NKAIN2: variants seen among roughly 807,000 people sequenced by gnomAD.
NKAIN2 encodes the protein sodium/potassium transporting ATPase interacting 2.
In NKAIN2, 14 loss-of-function variants were observed where a neutral mutation model predicts 32.6. That is an observed-to-expected ratio of 0.43 (90% CI 0.28 to 0.67). The LOEUF is 0.67. NKAIN2 is among the 30% of genes least tolerant of loss of function. The pLI, the probability that NKAIN2 is intolerant of heterozygous loss-of-function variation, is 0.17. For synonymous variants in NKAIN2, 80 were observed against 87.2 expected (o/e 0.92, Z 0.46); for missense variants, 198 against 258.3 (o/e 0.77, Z 1.60).
At chr6:124,763,522 A>AG (rs571222141) in intron 4 of NKAIN2, among the ~76,000 whole-genome samples, 125 of 152,306 alleles carry the variant, frequency 8.2e-4, no homozygotes, top group African/African-American at 3.0e-3. Context: ...AATAGCACGA[A>AG]GGGGGCAATC....
intron 1 of NKAIN2, among the ~76,000 whole-genome samples, chr6:124,130,628 G>A (rs62435639): frequency 7.1e-6 from 1 of 140,482 alleles, no homozygotes; most frequent in African/African-American, 2.6e-5. Context: ...TTTTTTTTTG[G>A]TAGAATGTTA....
At chr6:124,466,665 T>C (rs1776769380) in intron 3 of NKAIN2, among the ~76,000 whole-genome samples, 1 of 151,608 alleles carries the variant, frequency 6.6e-6, no homozygotes, top group South Asian at 2.1e-4. Flanking sequence ...AAAAAAAGAC[T>C]CTATCACTGC....
At chr6:124,778,065 T>C (rs545079991) in intron 4 of NKAIN2, among the ~76,000 whole-genome samples, 4 of 152,106 alleles carry the variant, frequency 2.6e-5, no homozygotes, top group Non-Finnish European at 5.9e-5. Context: ...GATAGACAGA[T>C]TGTCATCAAA....
At chr6:124,200,645 A>G (rs1790547675) in intron 1 of NKAIN2, among the ~76,000 whole-genome samples, 1 of 152,094 alleles carries the variant, frequency 6.6e-6, no homozygotes, top group Non-Finnish European at 1.5e-5. Flanking sequence ...ATTAAGAATT[A>G]TATTATAAGA....
At chr6:123,914,604 G>T (rs911990396) in intron 1 of NKAIN2, among the ~76,000 whole-genome samples, 22 of 152,046 alleles carry the variant, frequency 1.4e-4, no homozygotes, top group South Asian at 2.1e-4. Flanking sequence ...TACAGAAGAG[G>T]CAATTGAGAC....
At chr6:124,571,705 T>C (rs1781134542) in intron 3 of NKAIN2, among the ~76,000 whole-genome samples, 1 of 152,182 alleles carries the variant, frequency 6.6e-6, no homozygotes, top group Admixed American at 6.5e-5. Context: ...CTAATACACC[T>C]TCCTCACATA....
chr6:124,530,298 A>G (rs147151007), intron 3 of NKAIN2, among the ~76,000 whole-genome samples: 2 of 152,338 alleles, frequency 1.3e-5, no homozygotes, highest in Admixed American at 1.3e-4. Context: ...CAACATTATT[A>G]AGAAAATCAT....
chr6:124,306,673 CT>C (rs1162387988), intron 2 of NKAIN2, among the ~76,000 whole-genome samples: 1 of 152,106 alleles, frequency 6.6e-6, no homozygotes, highest in Non-Finnish European at 1.5e-5. Flanking sequence ...TCATTTTCCT[CT>C]CTTCTTAAGT....
intron 4 of NKAIN2, among the ~76,000 whole-genome samples, chr6:124,725,393 C>T (rs527832088): frequency 1.2e-4 from 19 of 152,216 alleles, no homozygotes; most frequent in Admixed American, 5.2e-4. Context: ...TGTGAGCCAT[C>T]GCACCCAGCC....
intron 4 of NKAIN2, among the ~76,000 whole-genome samples, chr6:124,718,276 C>A (rs1319555190): frequency 2.6e-5 from 4 of 152,152 alleles, no homozygotes; most frequent in Non-Finnish European, 4.4e-5. Context: ...ACAAATCTTT[C>A]TTTATATACA....
At chr6:124,176,037 G>C (rs909379353) in intron 1 of NKAIN2, among the ~76,000 whole-genome samples, 1 of 152,098 alleles carries the variant, frequency 6.6e-6, no homozygotes, top group Non-Finnish European at 1.5e-5. Flanking sequence ...TTAGGCTCCA[G>C]ACTATCACAA....
At chr6:124,372,317 T>C (rs1033082632) in intron 3 of NKAIN2, among the ~76,000 whole-genome samples, 3 of 152,060 alleles carry the variant, frequency 2.0e-5, no homozygotes, top group African/African-American at 7.2e-5. Flanking sequence ...GAAAAAACAA[T>C]ATTTTGAGTG....
intron 1 of NKAIN2, among the ~76,000 whole-genome samples, chr6:123,929,870 A>T (rs754243651): frequency 6.6e-6 from 1 of 152,160 alleles, no homozygotes; most frequent in Non-Finnish European, 1.5e-5. Context: ...TGTTCCAATG[A>T]GCATTTCCTT....
intron 4 of NKAIN2, among the ~76,000 whole-genome samples, chr6:124,669,047 G>C (rs995737130): frequency 6.6e-6 from 1 of 152,076 alleles, no homozygotes; most frequent in African/African-American, 2.4e-5. Flanking sequence ...CCCGGCAGTA[G>C]TATGGATTTT....
chr6:124,150,223 G>C (rs568309741), intron 1 of NKAIN2, among the ~76,000 whole-genome samples: 1 of 152,022 alleles, frequency 6.6e-6, no homozygotes, highest in East Asian at 1.9e-4. Context: ...AATTGTTTTG[G>C]CTATTATCGG....
intron 3 of NKAIN2, among the ~76,000 whole-genome samples, chr6:124,631,670 G>A (rs959694412): frequency 2.6e-5 from 4 of 152,068 alleles, no homozygotes; most frequent in Non-Finnish European, 4.4e-5. Flanking sequence ...AAAGTCCTCA[G>A]CTTGACTCTT....
intron 1 of NKAIN2, among the ~76,000 whole-genome samples, chr6:124,010,490 A>G (rs1011142555): frequency 1.3e-5 from 2 of 150,564 alleles, no homozygotes; most frequent in African/African-American, 4.9e-5. Flanking sequence ...TCAGGGACAA[A>G]TCATTGAGAA....
At chr6:124,407,928 G>T (rs1034805264) in intron 3 of NKAIN2, among the ~76,000 whole-genome samples, 1 of 150,392 alleles carries the variant, frequency 6.6e-6, no homozygotes, top group Non-Finnish European at 1.5e-5. Flanking sequence ...GTTTTGATTT[G>T]CATTTCTCTG....
intron 1 of NKAIN2, among the ~76,000 whole-genome samples, chr6:124,143,499 C>A (rs1174505102): frequency 6.6e-6 from 1 of 151,968 alleles, no homozygotes; most frequent in African/African-American, 2.4e-5. Context: ...AACAACTGCT[C>A]CTAATTAAAA....
Sources: allele counts gnomAD v4.1 joint callset (sites outside exome capture counted in the v4.1 genomes callset), GRCh38; gene constraint gnomAD v4.1.1; transcripts MANE v1.5; gene names NCBI Gene and HGNC (gene_info 2026-07-23, HGNC 2026-07-21).